Variants in LRRC7 observed in about 807,000 individuals in gnomAD.
LRRC7 encodes the protein leucine-rich repeat-containing protein 7.
Under a neutral mutation model 175.7 loss-of-function variants are expected in LRRC7, and 23 were observed. The observed-to-expected ratio is 0.13, with a 90% CI of 0.09 to 0.19. LRRC7 has a LOEUF of 0.19. Ranked by LOEUF, LRRC7 falls within the 10% of genes least tolerant of loss-of-function variation. LRRC7 has a pLI of 1.00. For synonymous variants in LRRC7, 685 were observed against 680.9 expected (o/e 1.01, Z -0.09); for missense variants, 1,354 against 1,904.7 (o/e 0.71, Z 5.38).
intron 24 of LRRC7, among the ~76,000 whole-genome samples, chr1:70,078,841 C>T (rs77002773): frequency 0.012 from 1,886 of 151,954 alleles, 21 homozygotes; most frequent in Non-Finnish European, 0.021. Flanking sequence ...CACACACACA[C>T]ACACACACAC....
intron 7 of LRRC7, among the ~76,000 whole-genome samples, chr1:69,913,389 G>C (rs1429578942): frequency 1.3e-5 from 2 of 152,176 alleles, no homozygotes; most frequent in Non-Finnish European, 2.9e-5. Flanking sequence ...ATTAACTAAA[G>C]AAAACATTTG....
At chr1:69,852,477 T>C (rs1481291123) in intron 7 of LRRC7, among the ~76,000 whole-genome samples, 1 of 152,210 alleles carries the variant, frequency 6.6e-6, no homozygotes, top group Non-Finnish European at 1.5e-5. Context: ...ATTGGAAACT[T>C]AATGACTCAA....
intron 1 of LRRC7, among the ~76,000 whole-genome samples, chr1:69,629,807 ATATTT>A (rs1239596911): frequency 6.6e-6 from 1 of 152,086 alleles, no homozygotes; most frequent in South Asian, 2.1e-4. Flanking sequence ...TAATATTTCT[ATATTT>A]TATTATTAAT....
chr1:69,677,682 C>G (rs1659962371), intron 1 of LRRC7, among the ~76,000 whole-genome samples: 1 of 152,012 alleles, frequency 6.6e-6, no homozygotes. Context: ...CTTTTTCTTT[C>G]TGAATGATGA....
intron 3 of LRRC7, among the ~76,000 whole-genome samples, chr1:69,783,753 C>CAAAAAAA (rs10712087): frequency 8.3e-5 from 7 of 84,726 alleles, no homozygotes; most frequent in Non-Finnish European, 1.1e-4. Context: ...CTCCCCATCT[C>CAAAAAAA]AAAAAAAAAA....
intron 1 of LRRC7, among the ~76,000 whole-genome samples, chr1:69,666,761 A>AT (rs1204480259): frequency 6.6e-6 from 1 of 151,452 alleles, no homozygotes; most frequent in Admixed American, 6.6e-5. Context: ...AAAAAAAATT[A>AT]TTTTTTTCAT....
chr1:69,675,916 T>A (rs1659699493), intron 1 of LRRC7, among the ~76,000 whole-genome samples: 2 of 151,914 alleles, frequency 1.3e-5, no homozygotes, highest in African/African-American at 4.8e-5. Flanking sequence ...TTGACATGAA[T>A]TTTGAGTGAA....
At chr1:69,822,629 G>A (rs114733900) in intron 4 of LRRC7, among the ~76,000 whole-genome samples, 1 of 152,320 alleles carries the variant, frequency 6.6e-6, no homozygotes, top group African/African-American at 2.4e-5. Context: ...ACACAGTTGG[G>A]CAAGCCTCAC....
Position 69,717,785 on chromosome 1 carries a change from A to G in LRRC7, c.100+39307A>G, listed in dbSNP as rs1464565451. ...AAAAAAGAAAAAAAGAAAGAAAGAA[A>G]GAAAGAAAGAAAGAAAGAAAGAAAG... On this transcript the variant is annotated intron_variant, in intron 2 of 26. Coordinates refer to ENST00000651989, the MANE Select transcript of LRRC7 (RefSeq NM_001370785.2). Among the ~76,000 whole-genome samples, 27 of 30,020 alleles carry G rather than the reference A, an allele frequency of 9.0e-4. 6 individuals are homozygous for G. The highest frequency in any genetic ancestry group is 4.9e-3 in the African/African-American group (27 of 5,566). 19.7% of individuals were successfully genotyped at this position (30,020 alleles called of 152,430 possible).
Position 69,796,202 on chromosome 1 carries a change from A to G in LRRC7, c.421+4042A>G, listed in dbSNP as rs1216349977. ...TCTCATTGTTCAATTCCCACCTATG[A>G]GTGAGAACATGTAGTGTTTGGTTTT... is the stretch of plus-strand genomic sequence containing the variant. On this transcript the variant is annotated intron_variant, in intron 4 of 26. Transcript: ENST00000651989. 2.8e-5 allele frequency among the ~76,000 whole-genome samples: 4 copies of G among 140,352 alleles called. No individual in the cohort carries two copies. The East Asian group carries it at 8.5e-4, about 30-fold the overall frequency. 92.1% of individuals were successfully genotyped at this position (140,352 alleles called of 152,430 possible).
At chr1:69,858,056 A>T (rs1447637599) in intron 7 of LRRC7, among the ~76,000 whole-genome samples, 1 of 152,210 alleles carries the variant, frequency 6.6e-6, no homozygotes, top group Non-Finnish European at 1.5e-5. Flanking sequence ...CTGGCTAGCC[A>T]TATGTAGAAA....
At chr1:70,068,489 A>G (rs2102106328) in intron 23 of LRRC7, among the ~76,000 whole-genome samples, 1 of 152,188 alleles carries the variant, frequency 6.6e-6, no homozygotes, top group East Asian at 1.9e-4. Flanking sequence ...ATATATTGCT[A>G]AATTTTCATT....
intron 22 of LRRC7, among the ~76,000 whole-genome samples, chr1:70,047,903 A>AC (rs1660456940): frequency 6.6e-6 from 1 of 152,028 alleles, no homozygotes; most frequent in Non-Finnish European, 1.5e-5. Context: ...ATACTTAGGA[A>AC]CCAGAACATT....
At chr1:69,889,774 C>T (rs565292092) in intron 7 of LRRC7, among the ~76,000 whole-genome samples, 16 of 152,102 alleles carry the variant, frequency 1.1e-4, no homozygotes, top group Admixed American at 1.3e-4. Flanking sequence ...GCCACTCACT[C>T]CAGCCTGGAA....
At chr1:69,611,435 G>A (rs1244046493) in intron 1 of LRRC7, among the ~76,000 whole-genome samples, 2 of 151,948 alleles carry the variant, frequency 1.3e-5, no homozygotes, top group Non-Finnish European at 2.9e-5. Flanking sequence ...TGTTGCTACA[G>A]GAAATACTGA....
At chr1:69,573,253 T>A (rs1473816277) in intron 1 of LRRC7, among the ~76,000 whole-genome samples, 1 of 152,160 alleles carries the variant, frequency 6.6e-6, no homozygotes, top group Non-Finnish European at 1.5e-5. Flanking sequence ...ATTTGGCCCC[T>A]GTTCATTTTT....
At chr1:69,608,871 T>G (rs1166468842) in intron 1 of LRRC7, among the ~76,000 whole-genome samples, 2 of 33,684 alleles carry the variant, frequency 5.9e-5, no homozygotes, top group Non-Finnish European at 1.1e-4. Flanking sequence ...TCTCTCTATA[T>G]ATATATATAT....
chr1:70,127,423 CAGTT>C lies in LRRC7; in HGVS notation c.*5538_*5541del, dbSNP rs2102259845. Among the ~76,000 whole-genome samples the C allele has an allele frequency of 6.6e-6, 1 of 152,268 alleles. No homozygotes were observed. Among genetic ancestry groups the C allele is most frequent in the Admixed American group, 6.5e-5 (1 of 15,298 alleles). On this transcript the variant is annotated 3_prime_UTR_variant, in exon 27 of 27. Transcript: ENST00000651989. ...CTCTAAGTTTTTATTTAAAAACATA[CAGTT>C]AAAGTATAGGAATATTGAGTCCCTT... is the stretch of plus-strand genomic sequence containing the variant.
intron 3 of LRRC7, among the ~76,000 whole-genome samples, chr1:69,787,105 C>T (rs967170943): frequency 1.2e-4 from 19 of 152,230 alleles, no homozygotes; most frequent in African/African-American, 4.6e-4. Context: ...CCACAGGCCC[C>T]GTGCAAGTCC....
Sources: gnomAD v4.1 joint callset for allele counts (sites outside exome capture counted in the v4.1 genomes callset) on GRCh38, gnomAD v4.1.1 for gene constraint, MANE v1.5 for transcripts, NCBI Gene and HGNC (gene_info 2026-07-23, HGNC 2026-07-21) for gene names.